The following PLXNA4 variants were observed in gnomAD, a reference collection of about 807,000 sequenced individuals.
PLXNA4 encodes the protein plexin A4.
A neutral mutation model predicts 191.8 loss-of-function variants in PLXNA4; 44 were observed. That is an observed-to-expected ratio of 0.23 (90% CI 0.18 to 0.29). The LOEUF is 0.29. Ranked by LOEUF, PLXNA4 falls within the 10% of genes least tolerant of loss-of-function variation. The pLI is 1.00. For missense variants in PLXNA4, 1,800 were observed against 2,488.8 expected (o/e 0.72, Z 5.89); for synonymous variants, 1,082 against 1,009.5 (o/e 1.07, Z -1.36).
At chr7:132,616,770 G>C (rs980022527) in intron 2 of PLXNA4, among the ~76,000 whole-genome samples, 1 of 152,152 alleles carries the variant, frequency 6.6e-6, no homozygotes, top group Admixed American at 6.5e-5. Flanking sequence ...ATATGCACCT[G>C]TTTGAAAACA....
intron 1 of PLXNA4, among the ~76,000 whole-genome samples, chr7:132,575,394 T>C (rs1275376046): frequency 6.6e-6 from 1 of 152,194 alleles, no homozygotes; most frequent in African/African-American, 2.4e-5. Flanking sequence ...ACGAATGCCT[T>C]GCCTTCTCCG....
intron 3 of PLXNA4, among the ~76,000 whole-genome samples, chr7:132,333,525 T>C (rs1267403482): frequency 6.6e-6 from 1 of 152,220 alleles, no homozygotes; most frequent in Non-Finnish European, 1.5e-5. Flanking sequence ...CTCCTGCTGC[T>C]GCTGACAGCC....
intron 3 of PLXNA4, among the ~76,000 whole-genome samples, chr7:132,486,595 G>A (rs572788870): frequency 1.6e-4 from 24 of 152,268 alleles, no homozygotes; most frequent in African/African-American, 4.1e-4. Flanking sequence ...GGCTTTCCCC[G>A]GGAGGACCGA....
intron 2 of PLXNA4, among the ~76,000 whole-genome samples, chr7:132,583,206 G>T (rs1802439783): frequency 6.6e-6 from 1 of 152,180 alleles, no homozygotes; most frequent in Non-Finnish European, 1.5e-5. Context: ...CCTTTTGGAG[G>T]TGAGGTTGAA....
chr7:132,646,332 G>A lies in PLXNA4; in HGVS notation c.-202-289C>T, dbSNP rs1020779210. ...TCAGTCTCTTCCACTCAGAACACCTGGGCTCATGGGAAGTCTCTTTTGTAT... is the reference window on the plus strand; with the variant it reads ...TCAGTCTCTTCCACTCAGAACACCTAGGCTCATGGGAAGTCTCTTTTGTAT... On this transcript the variant is annotated intron_variant, in intron 1 of 4. Transcript: ENST00000378539. Among the ~76,000 whole-genome samples the A allele has an allele frequency of 9.2e-5, 14 of 152,118 alleles. 1 individual carries two copies. The highest frequency in any genetic ancestry group is 6.5e-5 in the Admixed American group (1 of 15,276).
At chr7:132,150,729 G>A (rs1795572096) in intron 25 of PLXNA4, among the ~76,000 whole-genome samples, 1 of 152,248 alleles carries the variant, frequency 6.6e-6, no homozygotes, top group African/African-American at 2.4e-5. Flanking sequence ...ACTGCTTGCT[G>A]ATAAAGAATT....
At chr7:132,639,191 CTCCA>C (rs748114473) in intron 2 of PLXNA4, among the ~76,000 whole-genome samples, 2 of 152,208 alleles carry the variant, frequency 1.3e-5, no homozygotes, top group Non-Finnish European at 2.9e-5. Flanking sequence ...CTGATCCATC[CTCCA>C]TATCCTGGGT....
intron 1 of PLXNA4, among the ~76,000 whole-genome samples, chr7:132,540,513 T>G (rs1057066992): frequency 2.3e-4 from 35 of 149,408 alleles, no homozygotes; most frequent in African/African-American, 7.6e-4. Flanking sequence ...TTCCCCAAAG[T>G]TCATACAGGA....
chr7:132,235,788 G>T (rs534473382), intron 5 of PLXNA4, among the ~76,000 whole-genome samples: 3 of 152,314 alleles, frequency 2.0e-5, no homozygotes, highest in Non-Finnish European at 4.4e-5. Context: ...GAGGGGGCTG[G>T]GGACCTGCCA....
At chr7:132,131,478 A>C (rs1395264421) in intron 31 of PLXNA4, among the ~76,000 whole-genome samples, 1 of 151,844 alleles carries the variant, frequency 6.6e-6, no homozygotes, top group African/African-American at 2.4e-5. Flanking sequence ...GAACCTACTG[A>C]TGTTGTAGTT....
chr7:132,483,259 C>G (rs1453932081), intron 3 of PLXNA4, among the ~76,000 whole-genome samples: 1 of 152,130 alleles, frequency 6.6e-6, no homozygotes, highest in African/African-American at 2.4e-5. Context: ...CTGGCTCTAC[C>G]CTCGCTAGGA....
chr7:132,396,386 T>C (rs982170450), intron 3 of PLXNA4, among the ~76,000 whole-genome samples: 13 of 152,214 alleles, frequency 8.5e-5, no homozygotes, highest in African/African-American at 3.1e-4. Flanking sequence ...ACTATTTTTA[T>C]CCACACTTGA....
chr7:132,610,680 C>A (rs149130062), intron 2 of PLXNA4, among the ~76,000 whole-genome samples: 360 of 152,322 alleles, frequency 2.4e-3, no homozygotes, highest in African/African-American at 8.3e-3. Flanking sequence ...ATTTACCCAA[C>A]CCAAAGTGCA....
At chr7:132,385,723 C>G (rs1805104848) in intron 3 of PLXNA4, among the ~76,000 whole-genome samples, 1 of 152,240 alleles carries the variant, frequency 6.6e-6, no homozygotes, top group South Asian at 2.1e-4. Flanking sequence ...CGCGCACACA[C>G]ACGCGTGCGC....
intron 3 of PLXNA4, among the ~76,000 whole-genome samples, chr7:132,322,016 G>GA (rs1457361526): frequency 6.6e-6 from 1 of 151,936 alleles, no homozygotes. Context: ...ATAGCAGTGA[G>GA]AAAAAAACAA....
At chr7:132,397,998 C>A (rs1793831941) in intron 3 of PLXNA4, among the ~76,000 whole-genome samples, 1 of 152,162 alleles carries the variant, frequency 6.6e-6, no homozygotes, top group South Asian at 2.1e-4. Flanking sequence ...GGATCTCTGA[C>A]AACCCATCAG....
At chr7:132,581,729 T>TACAC (rs369866652), upstream of PLXNA4, among the ~76,000 whole-genome samples, 21 of 150,216 alleles carry the variant, frequency 1.4e-4, no homozygotes, top group South Asian at 2.1e-4. Context: ...CCTCTCCTCC[T>TACAC]ACACACACAC....
intron 9 of PLXNA4, among the ~76,000 whole-genome samples, chr7:132,215,468 T>C (rs1472384255): frequency 2.0e-5 from 3 of 152,260 alleles, no homozygotes; most frequent in Non-Finnish European, 4.4e-5. Context: ...ACGGTGCTTC[T>C]AAAACCTTTG....
chr7:132,572,094 C>G (rs1384923323), intron 1 of PLXNA4, among the ~76,000 whole-genome samples: 1 of 152,188 alleles, frequency 6.6e-6, no homozygotes, highest in African/African-American at 2.4e-5. Context: ...CACCCATAAA[C>G]CTCCCAAGGG....
Sources: gnomAD v4.1 joint callset for allele counts (sites outside exome capture counted in the v4.1 genomes callset) on GRCh38, gnomAD v4.1.1 for gene constraint, MANE v1.5 for transcripts, NCBI Gene and HGNC (gene_info 2026-07-23, HGNC 2026-07-21) for gene names.